ASAP2: variants seen among roughly 807,000 people sequenced by gnomAD.
The protein encoded by ASAP2 is ArfGAP with SH3 domain, ankyrin repeat and PH domain 2.
A neutral mutation model predicts 131.4 loss-of-function variants in ASAP2; 45 were observed. That is an observed-to-expected ratio of 0.34 (90% CI 0.27 to 0.44). The LOEUF is 0.44. Ranked by LOEUF, ASAP2 falls within the 20% of genes least tolerant of loss-of-function variation. The pLI is 1.00. For missense variants in ASAP2, 1,011 were observed against 1,297.0 expected (o/e 0.78, Z 3.39); for synonymous variants, 510 against 503.0 (o/e 1.01, Z -0.19).
intron 17 of ASAP2, 46 bp from the exon 18 acceptor site, chr2:9,376,862 G>T (rs746408558): frequency 1.3e-6 from 2 of 1,537,430 alleles, no homozygotes; most frequent in South Asian, 2.2e-5. Flanking sequence ...ACACAGAATT[G>T]AATGCTCCCA....
Position 9,225,998 on chromosome 2 carries a change from G to A in ASAP2, c.126+18768G>A, listed in dbSNP as rs144568704. Among the ~76,000 whole-genome samples the A allele has an allele frequency of 1.2e-4, 18 of 152,340 alleles. No homozygotes were observed. In the East Asian group the frequency reaches 2.9e-3, roughly 24 times the overall value. On this transcript the variant is annotated intron_variant, in intron 1 of 27. Coordinates refer to ENST00000281419, the MANE Select transcript of ASAP2 (RefSeq NM_003887.3). ...GCCTGGAAGGCGCCCATGAGCTGGAGGAAAGGAGAAACAATGGTTCTGCCA... is the reference window on the plus strand; with the variant it reads ...GCCTGGAAGGCGCCCATGAGCTGGAAGAAAGGAGAAACAATGGTTCTGCCA...
chr2:9,276,407 A>G (rs1309718716), intron 1 of ASAP2, among the ~76,000 whole-genome samples: 3 of 152,202 alleles, frequency 2.0e-5, no homozygotes. Flanking sequence ...AGCTGATGCC[A>G]GAGAAGCAGG....
At chr2:9,378,649 T>G (rs185460491) in intron 18 of ASAP2, among the ~76,000 whole-genome samples, 1 of 152,172 alleles carries the variant, frequency 6.6e-6, no homozygotes, top group South Asian at 2.1e-4. Flanking sequence ...ACCCCGGTAG[T>G]GCACTGCCCC....
intron 2 of ASAP2, among the ~76,000 whole-genome samples, chr2:9,296,568 A>C (rs1025974124): frequency 6.6e-6 from 1 of 152,264 alleles, no homozygotes; most frequent in Non-Finnish European, 1.5e-5. Flanking sequence ...TGTGTTGTCT[A>C]ATATTTCAGG....
At chr2:9,353,663 C>T (rs1277816760) in intron 12 of ASAP2, among the ~76,000 whole-genome samples, 1 of 152,222 alleles carries the variant, frequency 6.6e-6, no homozygotes, top group Non-Finnish European at 1.5e-5. Context: ...TCCATGGTCA[C>T]CCATTCCTCC....
At chr2:9,305,273 G>T (rs1247447457) in intron 3 of ASAP2, among the ~76,000 whole-genome samples, 1 of 151,792 alleles carries the variant, frequency 6.6e-6, no homozygotes, top group Non-Finnish European at 1.5e-5. Context: ...CTGTAATAGT[G>T]GGGTATAGAT....
At chr2:9,275,082 G>GTTTTTTT (rs753527243) in intron 1 of ASAP2, among the ~76,000 whole-genome samples, 4,508 of 128,586 alleles carry the variant, frequency 0.035, 180 homozygotes, top group African/African-American at 0.099. Context: ...TCATTTGTCT[G>GTTTTTTT]TTTTTTTTTT....
chr2:9,360,954 A>G (rs1673038434), intron 15 of ASAP2, among the ~76,000 whole-genome samples: 1 of 152,190 alleles, frequency 6.6e-6, no homozygotes, highest in Non-Finnish European at 1.5e-5. Context: ...CAGAAATTTC[A>G]TGTTCTTCAT....
intron 9 of ASAP2, among the ~76,000 whole-genome samples, chr2:9,341,534 A>T (rs1242933029): frequency 6.6e-6 from 1 of 152,186 alleles, no homozygotes; most frequent in Non-Finnish European, 1.5e-5. Context: ...CGCTCTGATT[A>T]ATATGCGCGG....
intron 1 of ASAP2, among the ~76,000 whole-genome samples, chr2:9,241,962 C>T (rs1312707050): frequency 6.6e-6 from 1 of 151,304 alleles, no homozygotes; most frequent in Non-Finnish European, 1.5e-5. Context: ...ATCAGGCGGA[C>T]ACATGTGAAT....
chr2:9,302,137 T>C (rs1443908603), intron 3 of ASAP2, among the ~76,000 whole-genome samples: 2 of 146,718 alleles, frequency 1.4e-5, no homozygotes, highest in South Asian at 2.2e-4. Flanking sequence ...TTTTTTTTTT[T>C]TTCCCAAACA....
intron 12 of ASAP2, among the ~76,000 whole-genome samples, chr2:9,353,617 T>C (rs1221602410): frequency 9.9e-5 from 15 of 151,438 alleles, no homozygotes; most frequent in Admixed American, 9.9e-4. Context: ...ATTGAGGCAG[T>C]GAGGGTGATA....
rs1675699844 is a variant in ASAP2, at chr2:9,391,256, G to C, written c.2518+60G>C. The C allele has an allele frequency of 2.6e-6, 4 of 1,559,492 alleles. No individual in the cohort carries two copies. In the East Asian group the frequency reaches 9.0e-5, roughly 35 times the overall value. On this transcript the variant is annotated intron_variant, in intron 23 of 27. Coordinates refer to ENST00000281419, the MANE Select transcript of ASAP2 (RefSeq NM_003887.3). ...GGCTTTGTAGATCTGGATGGCGGGG[G>C]GTGCTCTCTGGAGCCACACAGCTGC...
chr2:9,372,690 C>T (rs1233543376), intron 16 of ASAP2, among the ~76,000 whole-genome samples: 1 of 152,136 alleles, frequency 6.6e-6, no homozygotes, highest in Non-Finnish European at 1.5e-5. Context: ...GATAATGATT[C>T]ACCCACTTAT....
intron 1 of ASAP2, among the ~76,000 whole-genome samples, chr2:9,251,658 G>A (rs918506607): frequency 2.0e-5 from 3 of 152,130 alleles, no homozygotes; most frequent in East Asian, 1.9e-4. Flanking sequence ...GCTGGGGGGC[G>A]CACCTTGTTG....
chr2:9,376,678 C>A (rs1198369935), intron 17 of ASAP2, among the ~76,000 whole-genome samples: 1 of 152,156 alleles, frequency 6.6e-6, no homozygotes, highest in African/African-American at 2.4e-5. Flanking sequence ...AACTCCTGAA[C>A]TTCTCATTTA....
intron 4 of ASAP2, 57 bp from the exon 5 acceptor site, chr2:9,320,231 T>C: frequency 6.9e-7 from 1 of 1,446,472 alleles, no homozygotes; most frequent in Non-Finnish European, 9.7e-7. Flanking sequence ...TAAGTAAGTT[T>C]ATCTTGCACA....
In ASAP2 at chr2:9,330,702, A is replaced by G. The variant is rs529422709; in HGVS notation, c.686+2791A>G. Among the ~76,000 whole-genome samples, 8 of 152,294 alleles carry G rather than the reference A, an allele frequency of 5.3e-5. No homozygotes were observed. In the East Asian group the frequency reaches 1.4e-3, roughly 26 times the overall value. On this transcript the variant is annotated intron_variant, in intron 7 of 27. Coordinates refer to ENST00000281419, the MANE Select transcript of ASAP2 (RefSeq NM_003887.3). Reference sequence around the variant, plus strand: ...ACTTCTACAGTTCTTATGTCAGGCAATTTAGGAAGTGGGTCGCTTCCTTGC... The same window carrying G: ...ACTTCTACAGTTCTTATGTCAGGCAGTTTAGGAAGTGGGTCGCTTCCTTGC...
intron 1 of ASAP2, among the ~76,000 whole-genome samples, chr2:9,275,973 G>A (rs7605589): frequency 0.61 from 92,947 of 152,142 alleles, 28,908 homozygotes; most frequent in East Asian, 0.8. Flanking sequence ...TGTAGTGGAT[G>A]GCTGTGGCCT....
Sources: gnomAD v4.1 joint callset for allele counts (sites outside exome capture counted in the v4.1 genomes callset) on GRCh38, gnomAD v4.1.1 for gene constraint, MANE v1.5 for transcripts, NCBI Gene and HGNC (gene_info 2026-07-23, HGNC 2026-07-21) for gene names.